Variants in DCC observed in about 807,000 individuals in gnomAD.
DCC encodes the protein netrin receptor DCC.
DCC carries 58 observed loss-of-function variants against 172.5 expected under a neutral mutation model. That is an observed-to-expected ratio of 0.34 (90% CI 0.27 to 0.42). DCC has a LOEUF of 0.42. DCC is among the 10% of genes least tolerant of loss of function. The pLI, the probability that DCC is intolerant of heterozygous loss-of-function variation, is 1.00. For synonymous variants in DCC, 709 were observed against 644.5 expected (o/e 1.10, Z -1.52); for missense variants, 1,740 against 1,791.0 (o/e 0.97, Z 0.51).
At chr18:53,415,396 C>T (rs1275028200) in intron 20 of DCC, among the ~76,000 whole-genome samples, 1 of 151,852 alleles carries the variant, frequency 6.6e-6, no homozygotes, top group Non-Finnish European at 1.5e-5. Flanking sequence ...GGGAGGGAAG[C>T]TTATGAAGAT....
intron 12 of DCC, among the ~76,000 whole-genome samples, chr18:53,248,131 ATATG>A: frequency 6.6e-6 from 1 of 152,138 alleles, no homozygotes; most frequent in South Asian, 2.1e-4. Context: ...GAATAAATAT[ATATG>A]AACTGTTTGT....
At chr18:53,162,160 G>A (rs951714564) in intron 8 of DCC, among the ~76,000 whole-genome samples, 2 of 151,900 alleles carry the variant, frequency 1.3e-5, no homozygotes, top group South Asian at 2.1e-4. Context: ...TTAGCTGGAC[G>A]TGGTGGCACG....
chr18:52,456,149 T>C (rs1008322093), intron 1 of DCC, among the ~76,000 whole-genome samples: 1 of 152,212 alleles, frequency 6.6e-6, no homozygotes, highest in Non-Finnish European at 1.5e-5. Flanking sequence ...TTTATTTAAA[T>C]ATATTGTAGG....
chr18:53,229,809 T>C (rs1265908362), intron 12 of DCC, among the ~76,000 whole-genome samples: 1 of 152,048 alleles, frequency 6.6e-6, no homozygotes, highest in Non-Finnish European at 1.5e-5. Context: ...CTGACTTAAT[T>C]ATATTGTGGC....
chr18:53,526,586 A>G, intron 27 of DCC, 31 bp from the exon 28 acceptor site: 2 of 1,611,378 alleles, frequency 1.2e-6, no homozygotes, highest in African/African-American at 1.3e-5. Context: ...TGTTTTCTAC[A>G]TTACTTTCAT....
intron 5 of DCC, among the ~76,000 whole-genome samples, chr18:53,042,015 G>A (rs944391110): frequency 6.6e-6 from 1 of 151,926 alleles, no homozygotes; most frequent in African/African-American, 2.4e-5. Flanking sequence ...TTGCCAGATT[G>A]TCCTGACCAG....
chr18:52,828,609 A>C (rs1300217394), intron 2 of DCC, among the ~76,000 whole-genome samples: 1 of 152,132 alleles, frequency 6.6e-6, no homozygotes, highest in Non-Finnish European at 1.5e-5. Context: ...GAATGTGAAA[A>C]TACTTCAGTT....
chr18:53,118,873 C>T (rs994968986), intron 7 of DCC, among the ~76,000 whole-genome samples: 1 of 151,784 alleles, frequency 6.6e-6, no homozygotes, highest in Non-Finnish European at 1.5e-5. Context: ...AATGCTAATA[C>T]ACCCGTAAGG....
Position 52,624,005 on chromosome 18 carries a change from A to G in DCC, c.92-128049A>G, listed in dbSNP as rs572075546. Among the ~76,000 whole-genome samples the G allele has an allele frequency of 3.3e-5, 5 of 152,308 alleles. No individual in the cohort carries two copies. In the South Asian group the frequency reaches 1.0e-3, roughly 32 times the overall value. ...CTTCTTTCCCTAGAAATTGTAGGTT[A>G]CAAAAGAGCATTGGTTTCATCTCCC... is the stretch of plus-strand genomic sequence containing the variant. On this transcript the variant is annotated intron_variant, in intron 1 of 28. Coordinates refer to ENST00000442544, the MANE Select transcript of DCC (RefSeq NM_005215.4).
At chr18:53,169,831 T>C (rs2054985722) in intron 8 of DCC, among the ~76,000 whole-genome samples, 2 of 152,096 alleles carry the variant, frequency 1.3e-5, no homozygotes, top group African/African-American at 4.8e-5. Context: ...TATCTGCCCA[T>C]TTACAGAGGG....
chr18:52,913,948 A>G (rs2040004967), intron 3 of DCC, among the ~76,000 whole-genome samples: 1 of 152,230 alleles, frequency 6.6e-6, no homozygotes, highest in South Asian at 2.1e-4. Flanking sequence ...ATAAAAAAAG[A>G]CAAATTTAGT....
chr18:52,565,302 C>T (rs1279849901), intron 1 of DCC, among the ~76,000 whole-genome samples: 8 of 152,098 alleles, frequency 5.3e-5, no homozygotes, highest in African/African-American at 1.9e-4. Context: ...AGTAAACATA[C>T]GTGTGCATGT....
Position 53,509,296 on chromosome 18 carries a change from T to C in DCC, c.4111+9786T>C, listed in dbSNP as rs572095068. On this transcript the variant is annotated intron_variant, in intron 27 of 28. Coordinates refer to ENST00000442544, the MANE Select transcript of DCC (RefSeq NM_005215.4). Reference sequence around the variant, plus strand: ...CTCACTGAAAAATTATACATTTTGTTTTTATTAAGCATGTTACAGTATGGG... The same window carrying C: ...CTCACTGAAAAATTATACATTTTGTCTTTATTAAGCATGTTACAGTATGGG... Among the ~76,000 whole-genome samples, 4 of 152,384 alleles carry C rather than the reference T, an allele frequency of 2.6e-5. No individual in the cohort carries two copies. The South Asian group carries it at 8.3e-4, about 32-fold the overall frequency.
At chr18:53,415,631 A>T (rs1910266626) in intron 20 of DCC, among the ~76,000 whole-genome samples, 1 of 152,176 alleles carries the variant, frequency 6.6e-6, no homozygotes, top group African/African-American at 2.4e-5. Context: ...CTATCTTCAC[A>T]AGGGCTAAAG....
intron 12 of DCC, among the ~76,000 whole-genome samples, chr18:53,303,019 A>G (rs1776312877): frequency 6.6e-6 from 1 of 152,162 alleles, no homozygotes; most frequent in Non-Finnish European, 1.5e-5. Flanking sequence ...CCAGTTTTGT[A>G]AAGTTTTATT....
At chr18:52,917,151 CAAG>C (rs373861740) in intron 3 of DCC, among the ~76,000 whole-genome samples, 7 of 117,536 alleles carry the variant, frequency 6.0e-5, no homozygotes, top group Admixed American at 2.5e-4. Context: ...AAAAAAAAAA[CAAG>C]AAAAAAATAA....
intron 1 of DCC, among the ~76,000 whole-genome samples, chr18:52,436,892 C>T (rs1987813424): frequency 6.6e-6 from 1 of 152,110 alleles, no homozygotes; most frequent in Non-Finnish European, 1.5e-5. Flanking sequence ...TGAACTCCAG[C>T]CTGGGTGACA....
chr18:53,497,878 A>G (rs948494336), intron 26 of DCC, among the ~76,000 whole-genome samples: 2 of 152,124 alleles, frequency 1.3e-5, no homozygotes, highest in Non-Finnish European at 2.9e-5. Context: ...CTTCTCTTCA[A>G]ACTCCTTGGG....
chr18:53,378,017 A>G (rs987208072), intron 15 of DCC, among the ~76,000 whole-genome samples: 1 of 152,104 alleles, frequency 6.6e-6, no homozygotes, highest in Non-Finnish European at 1.5e-5. Context: ...GCTGGAGTGC[A>G]GTGGCGCAAT....
Sources: allele counts gnomAD v4.1 joint callset (sites outside exome capture counted in the v4.1 genomes callset), GRCh38; gene constraint gnomAD v4.1.1; transcripts MANE v1.5; gene names NCBI Gene and HGNC (gene_info 2026-07-23, HGNC 2026-07-21).